The following TOX variants were observed in gnomAD, a reference collection of about 807,000 sequenced individuals.
TOX encodes the protein thymocyte selection-associated high mobility group box protein TOX.
A neutral mutation model predicts 53.7 loss-of-function variants in TOX; 11 were observed. The ratio of observed to expected loss-of-function variants is 0.20; its 90% CI spans 0.13 to 0.34. The LOEUF (loss-of-function observed/expected upper bound fraction) is 0.34. TOX is among the 10% of genes least tolerant of loss of function. The probability of loss-of-function intolerance (pLI) is 1.00; values close to 1 mark genes in which losing one functional copy is unlikely to be tolerated. For synonymous variants in TOX, 225 were observed against 245.3 expected, an observed-to-expected ratio of 0.92 and a Z score of 0.77; for missense variants, 570 against 664.6, an observed-to-expected ratio of 0.86 and a Z score of 1.56.
intron 1 of TOX, among the ~76,000 whole-genome samples, chr8:58,993,831 C>T (rs145239224): frequency 2.7e-5 from 4 of 150,852 alleles, no homozygotes; most frequent in Non-Finnish European, 5.9e-5. Flanking sequence ...GCAATTCCAT[C>T]ATCTTCCTAA....
At chr8:58,983,819 G>A (rs1354580607) in intron 1 of TOX, among the ~76,000 whole-genome samples, 1 of 152,312 alleles carries the variant, frequency 6.6e-6, no homozygotes, top group Admixed American at 6.5e-5. Context: ...AAGATCAGAT[G>A]CAGTGAATAT....
intron 6 of TOX, among the ~76,000 whole-genome samples, chr8:58,815,994 C>A (rs959070773): frequency 6.6e-6 from 1 of 152,034 alleles, no homozygotes; most frequent in African/African-American, 2.4e-5. Context: ...TCTCATTATC[C>A]AAATGAGGGT....
chr8:58,942,745 A>G (rs188363134), intron 2 of TOX, among the ~76,000 whole-genome samples: 130 of 152,288 alleles, frequency 8.5e-4, no homozygotes, highest in Non-Finnish European at 9.6e-4. Flanking sequence ...GACAATTTGC[A>G]GTTTTGGGGG....
At chr8:58,876,439 CA>C (rs1239226314) in intron 3 of TOX, among the ~76,000 whole-genome samples, 1 of 150,778 alleles carries the variant, frequency 6.6e-6, no homozygotes, top group Admixed American at 6.6e-5. Context: ...TAATTTGAAT[CA>C]ACATATCCCT....
In TOX at chr8:58,886,040, A is replaced by G. The variant is rs146320983; in HGVS notation, c.412-34235T>C. Among the ~76,000 whole-genome samples, 26 of 152,190 alleles carry G rather than the reference A, an allele frequency of 1.7e-4. No homozygotes were observed. In the East Asian group the frequency reaches 4.2e-3, roughly 25 times the overall value. On this transcript the variant is annotated intron_variant, in intron 3 of 8. Coordinates refer to ENST00000361421, the MANE Select transcript of TOX (RefSeq NM_014729.3). ...TTCACACACTTGTACATCTGCCCCA[A>G]TTTATCCCTAATGACTGTCCCAAAG...
rs534356536 is a variant in TOX, at chr8:59,072,163, G to T, written c.102+46723C>A. On this transcript the variant is annotated intron_variant, in intron 1 of 8. Transcript: ENST00000361421. ...CGTTGTAGTTCAAGTATATGCTTTT[G>T]TTAGGTTTGTGACTATAAAAACAAC... Among the ~76,000 whole-genome samples, 3 of 152,244 alleles carry T rather than the reference G, an allele frequency of 2.0e-5. No homozygotes were observed. In the South Asian group the frequency reaches 6.2e-4, roughly 32 times the overall value.
intron 1 of TOX, among the ~76,000 whole-genome samples, chr8:58,998,655 T>C (rs1315584003): frequency 5.9e-5 from 7 of 117,798 alleles, no homozygotes; most frequent in African/African-American, 1.8e-4. Flanking sequence ...AATTTATATA[T>C]GTATGGTAAG....
chr8:58,966,401 C>A (rs1812900511), intron 1 of TOX, among the ~76,000 whole-genome samples: 1 of 152,204 alleles, frequency 6.6e-6, no homozygotes, highest in Non-Finnish European at 1.5e-5. Context: ...GCACACAGAG[C>A]TGAACTAGGG....
At chr8:59,043,645 T>G (rs1297682507) in intron 1 of TOX, among the ~76,000 whole-genome samples, 1 of 152,170 alleles carries the variant, frequency 6.6e-6, no homozygotes, top group Non-Finnish European at 1.5e-5. Context: ...AAAAGGAGTA[T>G]CACTTCTTTG....
chr8:58,935,035 A>C (rs1216407412), intron 3 of TOX, among the ~76,000 whole-genome samples: 1 of 152,212 alleles, frequency 6.6e-6, no homozygotes, highest in Admixed American at 6.5e-5. Context: ...TAAATTGTTG[A>C]TGTCTAATAT....
intron 4 of TOX, among the ~76,000 whole-genome samples, chr8:58,846,006 A>G (rs1389885037): frequency 6.6e-6 from 1 of 152,110 alleles, no homozygotes; most frequent in African/African-American, 2.4e-5. Context: ...GACCCGCTGA[A>G]TAAAATGCTA....
chr8:58,867,482 T>C (rs1325175543), intron 3 of TOX, among the ~76,000 whole-genome samples: 1 of 152,156 alleles, frequency 6.6e-6, no homozygotes, highest in Non-Finnish European at 1.5e-5. Flanking sequence ...GAGGGCAGCC[T>C]CCTCTAAGAG....
intron 1 of TOX, among the ~76,000 whole-genome samples, chr8:58,984,093 G>A (rs1813277656): frequency 1.3e-5 from 2 of 152,156 alleles, no homozygotes; most frequent in South Asian, 2.1e-4. Context: ...AAAGCTTTAC[G>A]ATATTGGATT....
intron 1 of TOX, among the ~76,000 whole-genome samples, chr8:59,091,685 T>C (rs1312973725): frequency 3.9e-5 from 6 of 152,172 alleles, no homozygotes; most frequent in Non-Finnish European, 8.8e-5. Context: ...ATGTTTGGTA[T>C]GGTGGTATCA....
chr8:59,049,108 G>A (rs1008966655), intron 1 of TOX, among the ~76,000 whole-genome samples: 1 of 131,222 alleles, frequency 7.6e-6, no homozygotes, highest in Non-Finnish European at 1.5e-5. Context: ...TAATGAAAAT[G>A]AAAAAAACAA....
intron 3 of TOX, among the ~76,000 whole-genome samples, chr8:58,868,384 T>C (rs558513922): frequency 1.2e-4 from 19 of 152,202 alleles, no homozygotes; most frequent in Non-Finnish European, 2.2e-4. Context: ...AAAACAATGA[T>C]TGGCTTTTCT....
chr8:59,021,531 T>C (rs1814136845), intron 1 of TOX, among the ~76,000 whole-genome samples: 1 of 142,606 alleles, frequency 7.0e-6, no homozygotes, highest in Non-Finnish European at 1.5e-5. Context: ...TATATATAGA[T>C]AGAGATAGAG....
At chr8:59,028,259 G>C (rs1428125210) in intron 1 of TOX, among the ~76,000 whole-genome samples, 1 of 151,846 alleles carries the variant, frequency 6.6e-6, no homozygotes, top group Non-Finnish European at 1.5e-5. Context: ...TCCTTCGAAA[G>C]GAAGTTTATA....
intron 4 of TOX, among the ~76,000 whole-genome samples, chr8:58,850,242 T>A (rs1378345384): frequency 6.6e-6 from 1 of 152,086 alleles, no homozygotes. Context: ...AAATGATGAT[T>A]GTGAGGAAGA....
Sources: gnomAD v4.1 joint callset for allele counts (sites outside exome capture counted in the v4.1 genomes callset) on GRCh38, gnomAD v4.1.1 for gene constraint, MANE v1.5 for transcripts, NCBI Gene and HGNC (gene_info 2026-07-23, HGNC 2026-07-21) for gene names.